ATP11A: variants seen among roughly 807,000 people sequenced by gnomAD.
ATP11A encodes phospholipid-transporting ATPase IH.
In ATP11A, 81 loss-of-function variants were observed where a neutral mutation model predicts 154.4. The observed-to-expected ratio is 0.52, with a 90% confidence interval of 0.44 to 0.63. The LOEUF (loss-of-function observed/expected upper bound fraction) is 0.63. Ranked by LOEUF, ATP11A falls within the 30% of genes least tolerant of loss-of-function variation. The probability of loss-of-function intolerance (pLI) is 0.00; values close to 1 mark genes in which losing one functional copy is unlikely to be tolerated. For synonymous variants in ATP11A, 623 were observed against 585.9 expected, an observed-to-expected ratio of 1.06 and a Z score of -0.91; for missense variants, 1,316 against 1,474.3, an observed-to-expected ratio of 0.89 and a Z score of 1.76.
intron 1 of ATP11A, among the ~76,000 whole-genome samples, chr13:112,758,782 A>G (rs1217727696): frequency 6.6e-6 from 1 of 152,198 alleles, no homozygotes; most frequent in African/African-American, 2.4e-5. Context: ...TACTCCAGCA[A>G]CTAACACTTG....
chr13:112,805,069 A>G (rs1463239451), intron 3 of ATP11A, 23 bp downstream of exon 3: 4 of 1,522,944 alleles, frequency 2.6e-6, no homozygotes, highest in East Asian at 2.3e-5. Context: ...ATTGTTTTCC[A>G]TCTCATCACA....
intron 17 of ATP11A, among the ~76,000 whole-genome samples, chr13:112,848,877 G>T (rs1440283768): frequency 1.3e-5 from 2 of 152,138 alleles, no homozygotes; most frequent in Non-Finnish European, 2.9e-5. Flanking sequence ...TAGTAGAGAT[G>T]GGGTTTCACC....
At chr13:112,771,718 G>A (rs2077229264) in intron 1 of ATP11A, among the ~76,000 whole-genome samples, 1 of 152,216 alleles carries the variant, frequency 6.6e-6, no homozygotes, top group South Asian at 2.1e-4. Flanking sequence ...CCGTCACTCG[G>A]GTAGTCCCAG....
chr13:112,791,277 G>A (rs1196544799), intron 2 of ATP11A, among the ~76,000 whole-genome samples: 2 of 152,254 alleles, frequency 1.3e-5, no homozygotes, highest in East Asian at 1.9e-4. Flanking sequence ...ATGGGCGTGT[G>A]GAACCGCGGC....
At chr13:112,870,741 A>G (rs181414986) in intron 25 of ATP11A, among the ~76,000 whole-genome samples, 38 of 152,356 alleles carry the variant, frequency 2.5e-4, no homozygotes, top group African/African-American at 8.4e-4. Context: ...CCGATAAACT[A>G]GAAATCGTCT....
intron 1 of ATP11A, among the ~76,000 whole-genome samples, chr13:112,771,456 G>A (rs979723161): frequency 6.6e-6 from 1 of 152,216 alleles, no homozygotes; most frequent in African/African-American, 2.4e-5. Context: ...GGACACAGCT[G>A]CATGGTGCTT....
chr13:112,815,115 G>C (rs1356220842), intron 5 of ATP11A, among the ~76,000 whole-genome samples: 1 of 152,184 alleles, frequency 6.6e-6, no homozygotes, highest in Non-Finnish European at 1.5e-5. Context: ...CTCACTCAAG[G>C]GTTCTGATGA....
At chr13:112,723,298 C>CCACCCCCCCCCCCTCCCCCA (rs1566383048) in intron 1 of ATP11A, among the ~76,000 whole-genome samples, 1 of 31,430 alleles carries the variant, frequency 3.2e-5, no homozygotes, top group Non-Finnish European at 6.2e-5. Context: ...CCACCTCCCC[C>CCACCCCCCCCCCCTCCCCCA]CGCCCTCTTG....
chr13:112,736,446 A>G (rs2139721941), intron 1 of ATP11A, among the ~76,000 whole-genome samples: 1 of 152,308 alleles, frequency 6.6e-6, no homozygotes, highest in Admixed American at 6.5e-5. Context: ...CTGCGGTAGC[A>G]TCTCAGCAAC....
Position 112,861,554 on chromosome 13 carries a change from C to T in ATP11A, c.2856-886C>T, listed in dbSNP as rs114158463. Among the ~76,000 whole-genome samples, 1,035 of 152,322 alleles carry T rather than the reference C, an allele frequency of 6.8e-3. 13 individuals carry two copies. The highest frequency in any genetic ancestry group is 0.024 in the African/African-American group (980 of 41,574). ...CAATTCTGTGCAGTCTTCTCACATG[C>T]GTGTTTCCTGCATCCACCACCATAG... On this transcript the variant is annotated intron_variant, in intron 24 of 29. Coordinates refer to ENST00000375645, the MANE Select transcript of ATP11A (RefSeq NM_015205.3).
intron 23 of ATP11A, 150 bp from the exon 24 acceptor site, chr13:112,860,137 G>C: frequency 2.7e-6 from 2 of 750,078 alleles, no homozygotes; most frequent in Non-Finnish European, 4.0e-6. Flanking sequence ...AATCACAGTT[G>C]ATATCACAGA....
Position 112,788,411 on chromosome 13 carries a change from C to T in ATP11A, c.162+3154C>T, listed in dbSNP as rs371579009. On this transcript the variant is annotated intron_variant, in intron 2 of 29. Transcript: ENST00000375645. ...CGGTGTCCTGATGTATAGACCCTTG[C>T]GGAGACCTACTTAATTCACACCGGT... Among the ~76,000 whole-genome samples, 461 of 138,298 alleles carry T rather than the reference C, an allele frequency of 3.3e-3. 5 individuals are homozygous for T. The highest frequency in any genetic ancestry group is 4.0e-3 in the Non-Finnish European group (266 of 65,832). 90.7% of individuals were successfully genotyped at this position (138,298 alleles called of 152,430 possible).
intron 1 of ATP11A, among the ~76,000 whole-genome samples, chr13:112,701,628 C>T (rs1021177689): frequency 6.6e-6 from 1 of 151,524 alleles, no homozygotes; most frequent in African/African-American, 2.4e-5. Flanking sequence ...GTCGGGAGAT[C>T]GAGACCATCC....
chr13:112,736,286 C>T (rs1049306101), intron 1 of ATP11A, among the ~76,000 whole-genome samples: 1 of 152,140 alleles, frequency 6.6e-6, no homozygotes, highest in Non-Finnish European at 1.5e-5. Context: ...TTATATGGCA[C>T]CTTCATGGGA....
chr13:112,833,035 G>A lies in ATP11A; in HGVS notation c.1559+12G>A. 6.2e-7 allele frequency: 1 copy of A among 1,605,708 alleles called. No homozygotes were observed. Among genetic ancestry groups the A allele is most frequent in the South Asian group, 1.1e-5 (1 of 90,386 alleles). Reference sequence around the variant, plus strand: ...GAAGGTGTCCAGAGGTACGTCGCGGGCCAAGGGTCTGCCTGGGTTTCCTGA... The same window carrying A: ...GAAGGTGTCCAGAGGTACGTCGCGGACCAAGGGTCTGCCTGGGTTTCCTGA... On this transcript the variant is annotated intron_variant, in intron 14 of 29. Coordinates refer to ENST00000375645, the MANE Select transcript of ATP11A (RefSeq NM_015205.3).
At chr13:112,750,368 C>CT (rs540139039) in intron 1 of ATP11A, among the ~76,000 whole-genome samples, 67 of 33,166 alleles carry the variant, frequency 2.0e-3, no homozygotes, top group Non-Finnish European at 2.9e-3. Context: ...GTTTGAATCC[C>CT]CTTCAGCCTC....
chr13:112,793,803 G>A (rs2077925312), intron 2 of ATP11A, among the ~76,000 whole-genome samples: 1 of 152,260 alleles, frequency 6.6e-6, no homozygotes, highest in South Asian at 2.1e-4. Flanking sequence ...GCAGGGGACA[G>A]TGCCCGGGTT....
At chr13:112,786,732 C>A (rs2077636792) in intron 2 of ATP11A, among the ~76,000 whole-genome samples, 2 of 152,390 alleles carry the variant, frequency 1.3e-5, no homozygotes, top group South Asian at 4.1e-4. Flanking sequence ...AACCCACGCA[C>A]ACGCGTGGAC....
chr13:112,813,494 T>C (rs2140172868), intron 5 of ATP11A, among the ~76,000 whole-genome samples: 1 of 152,362 alleles, frequency 6.6e-6, no homozygotes, highest in Admixed American at 6.5e-5. Context: ...CGTACTGCAG[T>C]TTCACCATTC....
Sources: gnomAD v4.1 joint callset for allele counts (sites outside exome capture counted in the v4.1 genomes callset) on GRCh38, gnomAD v4.1.1 for gene constraint, MANE v1.5 for transcripts, NCBI Gene and HGNC (gene_info 2026-07-23, HGNC 2026-07-21) for gene names.